The following CRLF1 variants were observed in gnomAD, a reference collection of about 807,000 sequenced individuals.
CRLF1 encodes the protein cytokine receptor-like factor 1.
A neutral mutation model predicts 48.9 loss-of-function variants in CRLF1; 36 were observed. That is an observed-to-expected ratio of 0.74 (90% confidence interval 0.56 to 0.97). The LOEUF (loss-of-function observed/expected upper bound fraction) is 0.97, where lower values mean the gene tolerates loss of function less well. CRLF1 is among the 50% of genes least tolerant of loss of function. The pLI is 0.00. For synonymous variants in CRLF1, 256 were observed against 253.4 expected, an observed-to-expected ratio of 1.01 and a Z score of -0.10; for missense variants, 534 against 575.1, an observed-to-expected ratio of 0.93 and a Z score of 0.73.
At position 18,606,697 on chromosome 19, in the gene CRLF1, G is replaced by A; in HGVS notation, c.-41C>T. The A allele has an allele frequency of 2.9e-6, 1 of 341,906 alleles. No homozygotes were observed. Among genetic ancestry groups the A allele is most frequent in the Non-Finnish European group, 4.1e-6 (1 of 245,508 alleles). The allele number at this position is 341,906 out of a possible 1,614,324, so 21.2% of individuals were successfully genotyped here. A position where few individuals can be genotyped will look rare whatever the true frequency, so the allele number is the denominator to read the frequency against. The stretch of plus-strand genomic sequence containing the variant: ...GGGGGCGCGCGGCGGGCTGCGGCTC[G>A]GCGGCGGTGGCGCAGGGCGCGGGAC... On this transcript the variant is annotated 5_prime_UTR_variant, in exon 1 of 9. Coordinates refer to ENST00000392386, the MANE Select transcript of CRLF1 (RefSeq NM_004750.5). The surrounding 1 kb of genome is among the most constrained non-coding windows in gnomAD (Gnocchi z 4.8).
rs765610119 is a variant in CRLF1, at chr19:18,597,431, C to CTTTTTTTTTTTTTTT, written c.698-397_698-383dup. On this transcript the variant is annotated intron_variant, in intron 4 of 8. Coordinates refer to ENST00000392386, the MANE Select transcript of CRLF1 (RefSeq NM_004750.5). Reference sequence around the variant, plus strand: ...TCCCCACTCACACCTCCCTTCCACTCTTTTTTTTTTTTTTTTGAGACGGAG... The same window carrying CTTTTTTTTTTTTTTT: ...TCCCCACTCACACCTCCCTTCCACTCTTTTTTTTTTTTTTTTTTTTTTTTTTTTTTTGAGACGGAG... 2.5e-3 allele frequency among the ~76,000 whole-genome samples: 203 copies of CTTTTTTTTTTTTTTT among 81,590 alleles called. 41 individuals carry two copies. Among genetic ancestry groups the CTTTTTTTTTTTTTTT allele is most frequent in the African/African-American group, 5.4e-3 (82 of 15,284 alleles). 53.5% of individuals were successfully genotyped at this position (81,590 alleles called of 152,430 possible). A position where few individuals can be genotyped will look rare whatever the true frequency, so the allele number is the denominator to read the frequency against.
Position 18,593,465 on chromosome 19 carries a change from G to A in CRLF1, c.*101C>T. On this transcript the variant is annotated 3_prime_UTR_variant, in exon 9 of 9. Coordinates refer to ENST00000392386, the MANE Select transcript of CRLF1 (RefSeq NM_004750.5). ...GGGGCCACCCCAGCTCCTGCTGAGGGTGGCTCAGGTGCCCTGAAGTGAGGG... is the reference window on the plus strand; with the variant it reads ...GGGGCCACCCCAGCTCCTGCTGAGGATGGCTCAGGTGCCCTGAAGTGAGGG... 1 of 1,535,332 alleles carries A rather than the reference G, an allele frequency of 6.5e-7. No homozygotes were observed. The highest frequency in any genetic ancestry group is 8.9e-7 in the Non-Finnish European group (1 of 1,127,460).
rs1976196179 is a variant in CRLF1, at chr19:18,599,788, G to A, written c.174C>T (p.Ala58=). The change falls in exon 2 of 9, where the codon GCC becomes GCT. Residue 58 remains alanine (A), a synonymous_variant. Coordinates refer to ENST00000392386, the MANE Select transcript of CRLF1 (RefSeq NM_004750.5). ...GTGGGTCTCCGTGCACTGAGCAGGT[G>A]GCCAGCAGGGAGGAGCCGATGAGAA... ...PTLLIGSSLL[A]TCSVHGDPPG... 2.5e-6 allele frequency: 4 copies of A among 1,582,904 alleles called. No individual in the cohort carries two copies. The highest frequency in any genetic ancestry group is 3.4e-6 in the Non-Finnish European group (4 of 1,161,554).
At chr19:18,600,403 C>G (rs950125558) in intron 1 of CRLF1, among the ~76,000 whole-genome samples, 1 of 150,454 alleles carries the variant, frequency 6.6e-6, no homozygotes, top group African/African-American at 2.4e-5. Context: ...CAGTCTTGCT[C>G]TGTCGCCCAG....
In CRLF1 at chr19:18,598,917, G is replaced by T. The variant is rs1388094205; in HGVS notation, c.398-16C>A. On this transcript the variant is annotated splice_polypyrimidine_tract_variant and intron_variant, in intron 2 of 8. Coordinates refer to ENST00000392386, the MANE Select transcript of CRLF1 (RefSeq NM_004750.5). The stretch of plus-strand genomic sequence containing the variant: ...TCTGGGGGCACTGGGAGAAGGGGAG[G>T]GTGCAGGAAGCAGGCTGAGGGTCTG... The T allele has an allele frequency of 5.0e-6, 8 of 1,613,322 alleles. No individual in the cohort carries two copies. Among genetic ancestry groups the T allele is most frequent in the Non-Finnish European group, 5.9e-6 (7 of 1,179,780 alleles).
intron 1 of CRLF1, among the ~76,000 whole-genome samples, chr19:18,601,122 C>T (rs1976215462): frequency 6.6e-6 from 1 of 152,180 alleles, no homozygotes; most frequent in African/African-American, 2.4e-5. Flanking sequence ...ATTTTTCATT[C>T]TCATTTTGTT....
intron 1 of CRLF1, among the ~76,000 whole-genome samples, chr19:18,601,329 T>G (rs1600655262): frequency 6.6e-6 from 1 of 151,494 alleles, no homozygotes; most frequent in African/African-American, 2.4e-5. Flanking sequence ...CAGGCTGGAG[T>G]GCAATGGCAC....
At chr19:18,595,605 C>A (rs1298684400) in intron 6 of CRLF1, among the ~76,000 whole-genome samples, 1 of 152,252 alleles carries the variant, frequency 6.6e-6, no homozygotes, top group Non-Finnish European at 1.5e-5. Context: ...CAACTGCCTG[C>A]AAACACTTAG....
At chr19:18,594,151 C>G in intron 7 of CRLF1, 44 bp from the exon 8 acceptor site, 1 of 1,590,380 alleles carries the variant, frequency 6.3e-7, no homozygotes, top group East Asian at 2.3e-5. Flanking sequence ...GGCTGCAGAC[C>G]TGCGTCCACA....
At chr19:18,598,650 C>T (rs762372417) in intron 3 of CRLF1, 49 bp from the exon 4 acceptor site, 1 of 1,613,732 alleles carries the variant, frequency 6.2e-7, no homozygotes, top group South Asian at 1.1e-5. Flanking sequence ...CTTGTGGCCC[C>T]CAGACCTCAC....
At chr19:18,599,069 T>C in intron 2 of CRLF1, 168 bp from the exon 3 acceptor site, 1 of 985,302 alleles carries the variant, frequency 1.0e-6, no homozygotes, top group Non-Finnish European at 1.2e-6. Context: ...GTGTGACAAC[T>C]GCAAGGGCTC....
intron 2 of CRLF1, 49 bp downstream of exon 2, chr19:18,599,516 G>A: frequency 1.2e-6 from 2 of 1,610,332 alleles, no homozygotes; most frequent in Non-Finnish European, 1.7e-6. Flanking sequence ...TCCAGAGGGA[G>A]ATGCCGCTCC....
chr19:18,606,672 G>C lies in CRLF1; in HGVS notation c.-16C>G. 1.8e-6 allele frequency: 1 copy of C among 569,464 alleles called. No individual in the cohort carries two copies. The highest frequency in any genetic ancestry group is 2.2e-6 in the Non-Finnish European group (1 of 453,530). 35.3% of individuals were successfully genotyped at this position (569,464 alleles called of 1,614,324 possible). ...CGGCGGGCATGGGGCCGGCGCTGCCGGGGGCGCGCGGCGGGCTGCGGCTCG... is the reference window on the plus strand; with the variant it reads ...CGGCGGGCATGGGGCCGGCGCTGCCCGGGGCGCGCGGCGGGCTGCGGCTCG... On this transcript the variant is annotated 5_prime_UTR_variant, in exon 1 of 9. Coordinates refer to ENST00000392386, the MANE Select transcript of CRLF1 (RefSeq NM_004750.5). The surrounding 1 kb of genome is among the most constrained non-coding windows in gnomAD (Gnocchi z 4.8).
intron 6 of CRLF1, among the ~76,000 whole-genome samples, chr19:18,595,542 G>A (rs990652619): frequency 6.6e-6 from 1 of 152,210 alleles, no homozygotes; most frequent in African/African-American, 2.4e-5. Context: ...GAGAAAAAGC[G>A]GCCTCCCTTG....
At chr19:18,596,527 CA>C in intron 6 of CRLF1, 94 bp downstream of exon 6, 2 of 1,474,126 alleles carry the variant, frequency 1.4e-6, no homozygotes, top group Admixed American at 2.2e-5. Flanking sequence ...GGCCGTGTCT[CA>C]AAAGAAAAAA....
intron 6 of CRLF1, 74 bp from the exon 7 acceptor site, chr19:18,594,508 C>G (rs1278770479): frequency 1.7e-6 from 2 of 1,162,864 alleles, no homozygotes; most frequent in East Asian, 6.8e-5. Context: ...GGGGAGACCC[C>G]GGCGCGGCGG....
chr19:18,605,195 T>C (rs1352961201), intron 1 of CRLF1, among the ~76,000 whole-genome samples: 1 of 151,132 alleles, frequency 6.6e-6, no homozygotes, highest in East Asian at 2.0e-4. Flanking sequence ...AAAACAAAGC[T>C]TGGCGCTCAC....
At chr19:18,598,248 A>T (rs1976168667) in intron 4 of CRLF1, among the ~76,000 whole-genome samples, 184 bp downstream of exon 4, 2 of 152,102 alleles carry the variant, frequency 1.3e-5, no homozygotes, top group South Asian at 2.1e-4. Context: ...CTGCGGACTG[A>T]TGAGCGGATG....
In CRLF1 at chr19:18,593,561, A is replaced by G. The variant is rs371687287; in HGVS notation, c.*5T>C. ...GGCAGGGAGGGTGGCCTGAGCCCCTACAGCTTATCTGGCAGGACCTGCAGG... is the reference window on the plus strand; with the variant it reads ...GGCAGGGAGGGTGGCCTGAGCCCCTGCAGCTTATCTGGCAGGACCTGCAGG... On this transcript the variant is annotated 3_prime_UTR_variant, in exon 9 of 9. Transcript: ENST00000392386. 188 of 1,610,374 alleles carry G rather than the reference A, an allele frequency of 1.2e-4. 1 individual carries two copies. Among genetic ancestry groups the G allele is most frequent in the Middle Eastern group, 6.6e-4 (4 of 6,078 alleles).
Sources: allele counts gnomAD v4.1 joint callset (sites outside exome capture counted in the v4.1 genomes callset), GRCh38; gene constraint gnomAD v4.1.1; non-coding constraint Gnocchi (gnomAD v3.1); transcripts MANE v1.5; gene names NCBI Gene and HGNC (gene_info 2026-07-23, HGNC 2026-07-21).